Variants in CAST observed in about 807,000 individuals in gnomAD.
CAST encodes the protein MIR583 host.
Under a neutral mutation model 119.6 loss-of-function variants are expected in CAST, and 76 were observed. The observed-to-expected ratio is 0.64, with a 90% CI of 0.53 to 0.77. The LOEUF is 0.77. Among genes scored for constraint, CAST ranks in the 30% least tolerant of loss-of-function variants. The pLI, the probability that CAST is intolerant of heterozygous loss-of-function variation, is 0.00. For missense variants in CAST, 953 were observed against 946.5 expected (o/e 1.01, Z -0.09); for synonymous variants, 319 against 331.6 (o/e 0.96, Z 0.41).
the CAST span, among the ~76,000 whole-genome samples, chr5:96,270,454 C>T: frequency 1.2e-4 from 18 of 151,978 alleles, no homozygotes; most frequent in Non-Finnish European, 2.6e-4. Flanking sequence ...ATTGAATTAC[C>T]CTTGTTTGCA....
the CAST span, among the ~76,000 whole-genome samples, chr5:96,515,736 G>A: frequency 6.6e-5 from 10 of 152,110 alleles, no homozygotes; most frequent in Admixed American, 6.5e-5. Flanking sequence ...AAAAGCCAGA[G>A]CATTTCTTCC....
Position 96,737,228 on chromosome 5 carries a change from A to G in CAST, c.700-621A>G, listed in dbSNP as rs565902533. Among the ~76,000 whole-genome samples the G allele has an allele frequency of 3.3e-5, 5 of 152,292 alleles. No individual in the cohort carries two copies. The East Asian group carries it at 9.7e-4, about 29-fold the overall frequency. ...ATATCAGTTATACTGATTTAAGCCCATATTGGCAGAGTAAACTTGTGAGTT... is the reference window on the plus strand; with the variant it reads ...ATATCAGTTATACTGATTTAAGCCCGTATTGGCAGAGTAAACTTGTGAGTT... On this transcript the variant is annotated intron_variant, in intron 10 of 31. Coordinates refer to ENST00000675179, the MANE Select transcript of CAST (RefSeq NM_001750.7).
the CAST span, among the ~76,000 whole-genome samples, chr5:96,431,643 A>AT: frequency 1.3e-5 from 2 of 152,020 alleles, no homozygotes; most frequent in African/African-American, 2.4e-5. Context: ...ATCTGCATTG[A>AT]TTTTCCTTTC....
chr5:96,203,675 AAAAT>A, the CAST span, among the ~76,000 whole-genome samples: 4 of 152,090 alleles, frequency 2.6e-5, no homozygotes, highest in African/African-American at 9.7e-5. Context: ...GAGGTTAATT[AAAAT>A]AAATATATGC....
chr5:96,730,674 C>A, intron 8 of CAST, 106 bp from the exon 9 acceptor site: 1 of 794,196 alleles, frequency 1.3e-6, no homozygotes. Flanking sequence ...TTATGGTGTC[C>A]GTGAGGGTGA....
At chr5:96,162,779 T>C in the CAST span, among the ~76,000 whole-genome samples, 1 of 152,216 alleles carries the variant, frequency 6.6e-6, no homozygotes, top group African/African-American at 2.4e-5. Flanking sequence ...TATAACCCTT[T>C]TTAATATATT....
At chr5:96,037,821 G>T in the CAST span, among the ~76,000 whole-genome samples, 2 of 152,148 alleles carry the variant, frequency 1.3e-5, no homozygotes, top group African/African-American at 2.4e-5. Flanking sequence ...TGGGGCTAGA[G>T]TAATCTGAAG....
At chr5:96,249,749 T>G in the CAST span, among the ~76,000 whole-genome samples, 2 of 152,170 alleles carry the variant, frequency 1.3e-5, no homozygotes, top group Non-Finnish European at 2.9e-5. Flanking sequence ...CAAACAGAAA[T>G]GAATATTAGG....
intron 1 of CAST, among the ~76,000 whole-genome samples, chr5:96,566,405 C>T (rs1383653280): frequency 1.3e-5 from 2 of 152,178 alleles, no homozygotes; most frequent in African/African-American, 2.4e-5. Flanking sequence ...AGTGAAAAGA[C>T]GTGACAAGGT....
the CAST span, among the ~76,000 whole-genome samples, chr5:96,461,989 A>G: frequency 1.2e-3 from 179 of 152,226 alleles, 1 homozygote; most frequent in Non-Finnish European, 2.1e-3. Flanking sequence ...CCTTTCCCCT[A>G]TGGAAGTACA....
chr5:96,702,690 C>A, intron 3 of CAST: 1 of 778,556 alleles, frequency 1.3e-6, no homozygotes, highest in Non-Finnish European at 1.6e-6. Flanking sequence ...ATGACGAGTC[C>A]ACGGAGCGGG....
the CAST span, among the ~76,000 whole-genome samples, chr5:96,125,219 G>GT: frequency 1.3e-5 from 2 of 152,064 alleles, no homozygotes; most frequent in African/African-American, 4.8e-5. Flanking sequence ...TTGGTGATAG[G>GT]TTTTTGCTTA....
chr5:96,571,178 A>G (rs1242073227), intron 1 of CAST, among the ~76,000 whole-genome samples: 1 of 152,170 alleles, frequency 6.6e-6, no homozygotes, highest in East Asian at 1.9e-4. Flanking sequence ...AATGTATTCA[A>G]ATCTGGACCT....
chr5:96,425,953 A>G, the CAST span: 3 of 1,418,296 alleles, frequency 2.1e-6, no homozygotes, highest in South Asian at 3.4e-5. Flanking sequence ...TTATAGCAAG[A>G]AAATCAAAAG....
chr5:95,987,813 G>A, the CAST span, among the ~76,000 whole-genome samples: 2 of 152,294 alleles, frequency 1.3e-5, no homozygotes, highest in South Asian at 2.1e-4. Context: ...TTAGCTATAC[G>A]TGACTATTTA....
the CAST span, among the ~76,000 whole-genome samples, chr5:96,162,101 G>A: frequency 3.9e-5 from 6 of 151,984 alleles, no homozygotes; most frequent in Non-Finnish European, 8.8e-5. Flanking sequence ...GATGCTTTTT[G>A]GTTTCTTTTT....
chr5:96,145,265 G>T, the CAST span, among the ~76,000 whole-genome samples: 1 of 151,908 alleles, frequency 6.6e-6, no homozygotes, highest in Non-Finnish European at 1.5e-5. Flanking sequence ...TGGTAATCAT[G>T]TTCTTGATCT....
At chr5:96,103,807 A>C in the CAST span, among the ~76,000 whole-genome samples, 38 of 151,684 alleles carry the variant, frequency 2.5e-4, no homozygotes, top group South Asian at 7.7e-3. Flanking sequence ...ACTAGTTTAC[A>C]GTCCCACCAA....
intron 1 of CAST, among the ~76,000 whole-genome samples, chr5:96,614,852 G>T (rs1268124576): frequency 6.6e-6 from 1 of 152,156 alleles, no homozygotes; most frequent in Non-Finnish European, 1.5e-5. Context: ...CACTAAGAAG[G>T]CTAATGAGTT....
Sources: allele counts gnomAD v4.1 joint callset (sites outside exome capture counted in the v4.1 genomes callset), GRCh38; gene constraint gnomAD v4.1.1; transcripts MANE v1.5; gene names NCBI Gene and HGNC (gene_info 2026-07-23, HGNC 2026-07-21).